The following UBE2H variants were observed in gnomAD, a reference collection of about 807,000 sequenced individuals.
UBE2H encodes the protein ubiquitin-conjugating enzyme E2 H.
A neutral mutation model predicts 29.0 loss-of-function variants in UBE2H; 3 were observed. The observed-to-expected ratio is 0.10, with a 90% CI of 0.05 to 0.27. UBE2H has a LOEUF of 0.27. UBE2H is among the 10% of genes least tolerant of loss of function. The pLI is 1.00. For missense variants in UBE2H, 68 were observed against 228.2 expected (o/e 0.30, Z 4.52); for synonymous variants, 69 against 82.9 (o/e 0.83, Z 0.91).
intron 1 of UBE2H, among the ~76,000 whole-genome samples, chr7:129,928,071 GCCTGTAAT>G (rs987595502): frequency 3.4e-5 from 5 of 148,640 alleles, no homozygotes; most frequent in African/African-American, 1.2e-4. Flanking sequence ...AGTGGCTCAC[GCCTGTAAT>G]CCCAATACTT....
Position 129,935,003 on chromosome 7 carries a change from ATGTG to A in UBE2H, c.53+17496_53+17499del, listed in dbSNP as rs769803644. On this transcript the variant is annotated intron_variant, in intron 1 of 6. Transcript: ENST00000355621. ...TGTGTGTATATATATGTGTGTGTAT[ATGTG>A]TGTGTGTGTGTGTATATATATATAT... 1.1e-4 allele frequency among the ~76,000 whole-genome samples: 17 copies of A among 149,438 alleles called. No individual in the cohort carries two copies. In the South Asian group the frequency reaches 1.3e-3, roughly 11 times the overall value.
intron 3 of UBE2H, among the ~76,000 whole-genome samples, chr7:129,875,568 CATA>C (rs1478982840): frequency 2.0e-5 from 3 of 152,168 alleles, no homozygotes; most frequent in Admixed American, 1.3e-4. Context: ...CTGGCTGTAT[CATA>C]ATACCTTTTC....
intron 5 of UBE2H, among the ~76,000 whole-genome samples, chr7:129,852,275 G>A (rs1805623999): frequency 6.6e-6 from 1 of 152,162 alleles, no homozygotes; most frequent in Non-Finnish European, 1.5e-5. Context: ...AACTGAAAAG[G>A]GGATGGGATA....
At chr7:129,863,315 C>T (rs899936934) in intron 3 of UBE2H, among the ~76,000 whole-genome samples, 18 of 152,218 alleles carry the variant, frequency 1.2e-4, no homozygotes, top group African/African-American at 4.3e-4. Context: ...GGCAGAATCA[C>T]ACCACAAAGC....
chr7:129,884,610 T>G (rs891324820), intron 1 of UBE2H, among the ~76,000 whole-genome samples: 3 of 148,386 alleles, frequency 2.0e-5, no homozygotes, highest in African/African-American at 5.0e-5. Flanking sequence ...TTTTTTTTTT[T>G]GAGATAGGGT....
chr7:129,849,472 G>A (rs1278401785), intron 5 of UBE2H, among the ~76,000 whole-genome samples: 1 of 152,112 alleles, frequency 6.6e-6, no homozygotes, highest in Non-Finnish European at 1.5e-5. Context: ...CAGCTACTTG[G>A]GAGGCTGAGG....
intron 5 of UBE2H, among the ~76,000 whole-genome samples, chr7:129,852,874 C>G (rs139547871): frequency 6.6e-6 from 1 of 152,122 alleles, no homozygotes; most frequent in African/African-American, 2.4e-5. Flanking sequence ...TACAGGTATG[C>G]GCCACCACGC....
At chr7:129,949,496 C>T (rs1264660318) in intron 1 of UBE2H, among the ~76,000 whole-genome samples, 2 of 152,104 alleles carry the variant, frequency 1.3e-5, no homozygotes, top group East Asian at 1.9e-4. Context: ...GGGAGGTTTG[C>T]ACAACCCTTA....
intron 1 of UBE2H, among the ~76,000 whole-genome samples, chr7:129,905,263 C>G (rs1806792785): frequency 6.6e-6 from 1 of 151,760 alleles, no homozygotes; most frequent in Non-Finnish European, 1.5e-5. Flanking sequence ...AGTCTTTGTT[C>G]ATAGACATGA....
intron 4 of UBE2H, 101 bp downstream of exon 4, chr7:129,858,801 G>T: frequency 1.8e-6 from 2 of 1,097,152 alleles, no homozygotes; most frequent in Non-Finnish European, 2.7e-6. Flanking sequence ...CCTACCTCCT[G>T]ATAAGGTCCA....
intron 6 of UBE2H, among the ~76,000 whole-genome samples, chr7:129,836,417 G>T (rs1218540495): frequency 6.6e-6 from 1 of 152,202 alleles, no homozygotes; most frequent in Non-Finnish European, 1.5e-5. Flanking sequence ...AAGATAAAAG[G>T]AGCTGCTGAG....
intron 2 of UBE2H, among the ~76,000 whole-genome samples, chr7:129,880,120 C>A (rs1806224483): frequency 6.6e-6 from 1 of 152,106 alleles, no homozygotes; most frequent in African/African-American, 2.4e-5. Context: ...AGGTTCCACA[C>A]CCCTGGATTC....
chr7:129,945,146 A>G (rs1807737639), intron 1 of UBE2H, among the ~76,000 whole-genome samples: 1 of 152,166 alleles, frequency 6.6e-6, no homozygotes, highest in Non-Finnish European at 1.5e-5. Context: ...GCCACAAGAA[A>G]CTTTGGGGGA....
intron 5 of UBE2H, among the ~76,000 whole-genome samples, chr7:129,847,128 C>T (rs1805526730): frequency 6.6e-6 from 1 of 152,122 alleles, no homozygotes; most frequent in Non-Finnish European, 1.5e-5. Context: ...CTCACTGGAA[C>T]CTCTGCCTTT....
At chr7:129,917,462 T>TGGA (rs565083618) in intron 1 of UBE2H, among the ~76,000 whole-genome samples, 122 of 152,274 alleles carry the variant, frequency 8.0e-4, no homozygotes, top group African/African-American at 2.7e-3. Context: ...GTGTGCCTGC[T>TGGA]GGAGTCTGGG....
intron 5 of UBE2H, among the ~76,000 whole-genome samples, chr7:129,852,424 G>T (rs968266782): frequency 6.6e-6 from 1 of 151,306 alleles, no homozygotes; most frequent in African/African-American, 2.4e-5. Flanking sequence ...CTGAGATCGT[G>T]CCACTGCACT....
intron 1 of UBE2H, among the ~76,000 whole-genome samples, chr7:129,894,386 A>C (rs1317410799): frequency 6.6e-6 from 1 of 151,918 alleles, no homozygotes; most frequent in East Asian, 1.9e-4. Flanking sequence ...GGTTGCAGTG[A>C]ACCATGTCAC....
chr7:129,945,123 A>C (rs550408344), intron 1 of UBE2H, among the ~76,000 whole-genome samples: 1 of 152,308 alleles, frequency 6.6e-6, no homozygotes, highest in East Asian at 1.9e-4. Context: ...GAGGGAGGGA[A>C]AGATTACAAA....
intron 5 of UBE2H, among the ~76,000 whole-genome samples, chr7:129,846,306 A>G (rs1369456034): frequency 6.6e-6 from 1 of 151,976 alleles, no homozygotes; most frequent in Non-Finnish European, 1.5e-5. Context: ...CCAGGAGTTC[A>G]ATAACAGCCT....
Sources: gnomAD v4.1 joint callset for allele counts (sites outside exome capture counted in the v4.1 genomes callset) on GRCh38, gnomAD v4.1.1 for gene constraint, MANE v1.5 for transcripts, NCBI Gene and HGNC (gene_info 2026-07-23, HGNC 2026-07-21) for gene names.